Variants in ROBO2 observed in about 807,000 individuals in gnomAD.
ROBO2 encodes roundabout guidance receptor 2, also known as roundabout homolog 2.
ROBO2 carries 53 observed loss-of-function variants against 160.8 expected under a neutral mutation model. The ratio of observed to expected loss-of-function variants is 0.33; its 90% confidence interval spans 0.26 to 0.41. ROBO2 has a LOEUF of 0.41. ROBO2 is among the 10% of genes least tolerant of loss of function. ROBO2 has a pLI of 1.00. For synonymous variants in ROBO2, 664 were observed against 611.7 expected, an observed-to-expected ratio of 1.09 and a Z score of -1.26; for missense variants, 1,577 against 1,722.4, an observed-to-expected ratio of 0.92 and a Z score of 1.49.
chr3:77,262,998 G>A (rs929341005), intron 2 of ROBO2, among the ~76,000 whole-genome samples: 5 of 152,106 alleles, frequency 3.3e-5, no homozygotes, highest in African/African-American at 1.2e-4. Flanking sequence ...TGAGAACACT[G>A]AGACACAATG....
In ROBO2 at chr3:76,851,604, G is replaced by A. The variant is rs370101926; in HGVS notation, c.110-246410G>A. ...CAAAAAATTAGCCGGGCGCGGTGGC[G>A]GGCGCCTGTAGTCCCAGCTACTCGG... On this transcript the variant is annotated intron_variant, in intron 2 of 26. Coordinates refer to the ROBO2 transcript ENST00000487694. Among the ~76,000 whole-genome samples, 31 of 149,788 alleles carry A rather than the reference G, an allele frequency of 2.1e-4. No individual in the cohort carries two copies. The East Asian group carries it at 3.2e-3, about 15-fold the overall frequency.
intron 2 of ROBO2, among the ~76,000 whole-genome samples, chr3:76,174,108 G>T (rs1178960180): frequency 2.0e-5 from 3 of 152,156 alleles, no homozygotes; most frequent in Admixed American, 6.5e-5. Flanking sequence ...TTGCTCTAAT[G>T]GCCAGTGATG....
At chr3:77,055,083 C>A (rs968760605) in intron 1 of ROBO2, among the ~76,000 whole-genome samples, 4 of 151,422 alleles carry the variant, frequency 2.6e-5, no homozygotes, top group African/African-American at 9.8e-5. Flanking sequence ...AAAAAAAAAA[C>A]TACCAGATAC....
At chr3:76,856,736 A>G (rs2070132037) in intron 2 of ROBO2, among the ~76,000 whole-genome samples, 1 of 152,186 alleles carries the variant, frequency 6.6e-6, no homozygotes, top group South Asian at 2.1e-4. Flanking sequence ...AGTAATTTAT[A>G]TTACTGGCTA....
chr3:76,812,846 A>G (rs1380633315), intron 2 of ROBO2, among the ~76,000 whole-genome samples: 2 of 151,722 alleles, frequency 1.3e-5, no homozygotes, highest in African/African-American at 4.8e-5. Context: ...AATGGCATGA[A>G]CAGAAATCCA....
chr3:76,030,205 A>T (rs1187509267), intron 2 of ROBO2, among the ~76,000 whole-genome samples: 1 of 151,992 alleles, frequency 6.6e-6, no homozygotes, highest in Non-Finnish European at 1.5e-5. Flanking sequence ...CCACTTTTTG[A>T]TGGGGTCGTT....
At chr3:76,889,358 G>T (rs1478902030) in intron 2 of ROBO2, among the ~76,000 whole-genome samples, 1 of 152,094 alleles carries the variant, frequency 6.6e-6, no homozygotes, top group Non-Finnish European at 1.5e-5. Context: ...TATAAGAAAT[G>T]GGTGTCAAGA....
At chr3:77,344,764 T>A (rs924786120) in intron 2 of ROBO2, among the ~76,000 whole-genome samples, 2 of 152,084 alleles carry the variant, frequency 1.3e-5, no homozygotes, top group African/African-American at 4.8e-5. Flanking sequence ...TAAAGATAGG[T>A]GATGAGTACT....
At chr3:76,226,597 A>G (rs551890141) in intron 2 of ROBO2, among the ~76,000 whole-genome samples, 3 of 152,282 alleles carry the variant, frequency 2.0e-5, no homozygotes, top group South Asian at 2.1e-4. Flanking sequence ...GTATTTTTTT[A>G]TTGTCTCAAG....
chr3:76,559,264 A>G (rs1461986290), intron 2 of ROBO2, among the ~76,000 whole-genome samples: 1 of 152,076 alleles, frequency 6.6e-6, no homozygotes, highest in African/African-American at 2.4e-5. Flanking sequence ...ATCTCTTGCA[A>G]TGATGCAATA....
rs529385880 is a variant in ROBO2, at chr3:76,235,279, G to A, written c.109+297677G>A. Reference sequence around the variant, plus strand: ...CCTCCCCTCTCTCCCCATGAGCACCGCCCCACCGCCCAACACACACAGGGA... The same window carrying A: ...CCTCCCCTCTCTCCCCATGAGCACCACCCCACCGCCCAACACACACAGGGA... On this transcript the variant is annotated intron_variant, in intron 2 of 26. Transcript: ENST00000487694. Among the ~76,000 whole-genome samples the A allele has an allele frequency of 9.9e-4, 150 of 152,104 alleles. 1 individual carries two copies. Among genetic ancestry groups the A allele is most frequent in the African/African-American group, 2.4e-3 (98 of 41,488 alleles).
At chr3:76,388,423 C>T (rs1559864424) in intron 2 of ROBO2, among the ~76,000 whole-genome samples, 1 of 152,128 alleles carries the variant, frequency 6.6e-6, no homozygotes, top group African/African-American at 2.4e-5. Context: ...AGGCACCCGC[C>T]GCCACGCCCG....
intron 2 of ROBO2, among the ~76,000 whole-genome samples, chr3:76,882,356 G>T (rs1420116124): frequency 6.6e-6 from 1 of 151,990 alleles, no homozygotes; most frequent in African/African-American, 2.4e-5. Flanking sequence ...TATTTCATGT[G>T]TTCCACAGCT....
chr3:77,306,910 T>G (rs960275256), intron 2 of ROBO2, among the ~76,000 whole-genome samples: 1 of 152,226 alleles, frequency 6.6e-6, no homozygotes, highest in Non-Finnish European at 1.5e-5. Flanking sequence ...AACAAAATCA[T>G]TGTTTACAAA....
At chr3:77,362,534 T>G (rs867797720) in intron 2 of ROBO2, among the ~76,000 whole-genome samples, 1 of 152,096 alleles carries the variant, frequency 6.6e-6, no homozygotes, top group South Asian at 2.1e-4. Context: ...CTTAGCAGGG[T>G]TCTTGCTAAA....
chr3:77,563,003 A>G (rs891381652), intron 10 of ROBO2, among the ~76,000 whole-genome samples, 164 bp from the exon 12 acceptor site: 1 of 152,144 alleles, frequency 6.6e-6, no homozygotes, highest in Admixed American at 6.6e-5. Flanking sequence ...GCTTACTTTT[A>G]TTAACATGTA....
chr3:77,245,373 G>T (rs1026313524), intron 2 of ROBO2, among the ~76,000 whole-genome samples: 2 of 152,196 alleles, frequency 1.3e-5, no homozygotes, highest in African/African-American at 4.8e-5. Context: ...ACATTGCCCA[G>T]TGACATTTGT....
chr3:76,976,463 GA>G (rs1559789138), intron 2 of ROBO2, among the ~76,000 whole-genome samples: 1 of 152,130 alleles, frequency 6.6e-6, no homozygotes, highest in Non-Finnish European at 1.5e-5. Context: ...GCACCGCAAT[GA>G]CCAGCATTTT....
At chr3:76,113,826 C>T (rs1388129650) in intron 2 of ROBO2, among the ~76,000 whole-genome samples, 1 of 152,120 alleles carries the variant, frequency 6.6e-6, no homozygotes, top group African/African-American at 2.4e-5. Flanking sequence ...ATGGATCCCT[C>T]ATAAATGGCT....
Sources: gnomAD v4.1 joint callset for allele counts (sites outside exome capture counted in the v4.1 genomes callset) on GRCh38, gnomAD v4.1.1 for gene constraint, MANE v1.5 for transcripts, NCBI Gene and HGNC (gene_info 2026-07-23, HGNC 2026-07-21) for gene names.